The following PTCD2 variants were observed in gnomAD, a reference collection of about 807,000 sequenced individuals.
PTCD2 encodes the protein pentatricopeptide repeat domain 2.
In PTCD2, 31 loss-of-function variants were observed where a neutral mutation model predicts 42.6. That is an observed-to-expected ratio of 0.73 (90% CI 0.55 to 0.98). The LOEUF is 0.98. PTCD2 is among the 50% of genes least tolerant of loss of function. The pLI is 0.00. For synonymous variants in PTCD2, 183 were observed against 170.9 expected, an observed-to-expected ratio of 1.07 and a Z score of -0.55; for missense variants, 476 against 454.8, an observed-to-expected ratio of 1.05 and a Z score of -0.42.
intron 3 of PTCD2, 61 bp from the exon 4 acceptor site, chr5:72,331,197 C>T: frequency 9.5e-7 from 1 of 1,057,948 alleles, no homozygotes; most frequent in Non-Finnish European, 1.5e-6. Context: ...CTGCCATAGT[C>T]TGTGTCTGTC....
intron 8 of PTCD2, among the ~76,000 whole-genome samples, chr5:72,347,166 A>T (rs1467927005): frequency 6.6e-6 from 1 of 151,162 alleles, no homozygotes; most frequent in African/African-American, 2.4e-5. Flanking sequence ...AACACCAACA[A>T]CTCTGTCTGA....
intron 8 of PTCD2, among the ~76,000 whole-genome samples, chr5:72,349,595 G>GT (rs1236436571): frequency 5.9e-5 from 9 of 152,234 alleles, no homozygotes; most frequent in African/African-American, 2.2e-4. Context: ...AAGGTATCTA[G>GT]TAACGTATTT....
intron 3 of PTCD2, among the ~76,000 whole-genome samples, chr5:72,329,601 C>T (rs1751325385): frequency 6.6e-6 from 1 of 152,098 alleles, no homozygotes; most frequent in Non-Finnish European, 1.5e-5. Flanking sequence ...AGAATATTTA[C>T]TGAAATATGT....
At position 72,358,330 on chromosome 5, in the gene PTCD2, C is replaced by A. The variant is rs764190753; in HGVS notation, c.1070C>A (p.Thr357Asn). 8 of 1,613,952 alleles carry A rather than the reference C, an allele frequency of 5.0e-6. No individual in the cohort carries two copies. Among genetic ancestry groups the A allele is most frequent in the South Asian group, 4.4e-5 (4 of 91,074 alleles). The change falls in exon 10 of 10, where the codon ACC becomes AAC. Residue 357 changes from threonine to asparagine, a missense_variant. By Grantham distance (65) the Thr-to-Asn change is moderately conservative. Coordinates refer to ENST00000380639, the MANE Select transcript of PTCD2 (RefSeq NM_024754.5). ...TDSLDAVLCH[T>N]PRDRKSHTLL... ...TCTTTGGATGCTGTGCTCTGCCACA[C>A]CCCCAGGGACAGGAAATCTCACACG...
Position 72,320,498 on chromosome 5 carries a change from G to C in PTCD2, c.116G>C (p.Cys39Ser), listed in dbSNP as rs1172352185. The C allele has an allele frequency of 6.2e-7, 1 of 1,613,998 alleles. No individual in the cohort carries two copies. Among genetic ancestry groups the C allele is most frequent in the Non-Finnish European group, 8.5e-7 (1 of 1,180,046 alleles). Residue 39 changes from cysteine (C) to serine (S), a missense_variant, in exon 1 of 10, where the codon TGC becomes TCC. Physicochemically the swap from Cys to Ser is moderately radical, Grantham distance 112. Coordinates refer to ENST00000380639, the MANE Select transcript of PTCD2 (RefSeq NM_024754.5). ...GGCTCCGGCTCTGTCAGCTGCCGCT[G>C]CCCTCTCGGAGGTATCCGCGGCTTT... ...VGGSGSVSCR[C>S]PLGAKRYLLT...
intron 6 of PTCD2, 119 bp downstream of exon 6, chr5:72,336,004 G>A (rs1751721762): frequency 3.3e-6 from 2 of 599,298 alleles, no homozygotes; most frequent in African/African-American, 1.9e-5. Flanking sequence ...TGGTGCAAAT[G>A]TTTTAATTTT....
intron 8 of PTCD2, among the ~76,000 whole-genome samples, chr5:72,346,540 G>T (rs545233735): frequency 6.6e-6 from 1 of 152,324 alleles, no homozygotes; most frequent in Admixed American, 6.5e-5. Context: ...AGGTGGGTCA[G>T]CCTGAAAAGC....
At chr5:72,321,121 G>A (rs938995739) in intron 1 of PTCD2, 1 of 152,544 alleles carries the variant, frequency 6.6e-6, no homozygotes, top group Non-Finnish European at 1.5e-5. Flanking sequence ...TTTCTGCAGA[G>A]TTTGGAAGCA....
chr5:72,352,745 G>A lies in PTCD2; in HGVS notation c.933G>A (p.Ser311=), dbSNP rs570848389. The change falls in exon 9 of 10, where the codon TCG becomes TCA. Residue 311 remains serine, a synonymous_variant. Coordinates refer to ENST00000380639, the MANE Select transcript of PTCD2 (RefSeq NM_024754.5). The part of the protein sequence containing the change: ...LSKFVKRHVF[S]EEVLAKVREK... ...AATTTGTGAAAAGACATGTGTTCTC[G>A]GAGGAAGTGGTGAGTATGCAAGTGC... 2.7e-5 allele frequency: 41 copies of A among 1,543,674 alleles called. No individual in the cohort carries two copies. In the Admixed American group the frequency reaches 3.2e-4, roughly 12 times the overall value.
chr5:72,332,505 TTATACA>T (rs1448874846), intron 4 of PTCD2, among the ~76,000 whole-genome samples: 5 of 149,956 alleles, frequency 3.3e-5, no homozygotes, highest in African/African-American at 1.2e-4. Context: ...ACTTTTTACT[TTATACA>T]TTTTTGTATT....
chr5:72,332,025 AC>A lies in PTCD2; in HGVS notation c.468+651del, dbSNP rs143851469. Among the ~76,000 whole-genome samples, 333 of 152,320 alleles carry A rather than the reference AC, an allele frequency of 2.2e-3. 2 individuals are homozygous for A. In the East Asian group the frequency reaches 0.022, roughly 10 times the overall value. On this transcript the variant is annotated intron_variant, in intron 4 of 9. Coordinates refer to ENST00000380639, the MANE Select transcript of PTCD2 (RefSeq NM_024754.5). ...CATTCATTATGAAGTCATTTTGATT[AC>A]TAGATGCCATGTAGAGAACAGAAAC...
chr5:72,338,979 A>G (rs866570337), intron 7 of PTCD2, among the ~76,000 whole-genome samples: 2 of 152,224 alleles, frequency 1.3e-5, no homozygotes, highest in African/African-American at 2.4e-5. Flanking sequence ...TTCTCAAGTA[A>G]TTAAAATGAA....
chr5:72,335,703 C>T (rs999259408), intron 5 of PTCD2, 91 bp from the exon 6 acceptor site: 3 of 668,838 alleles, frequency 4.5e-6, no homozygotes, highest in African/African-American at 3.6e-5. Context: ...TTGAAATACA[C>T]TTTTCTGTAG....
intron 3 of PTCD2, among the ~76,000 whole-genome samples, chr5:72,329,331 GA>G (rs1316316261): frequency 6.6e-6 from 1 of 152,236 alleles, no homozygotes; most frequent in African/African-American, 2.4e-5. Context: ...TGGGAAAGGA[GA>G]GTCACGAGCT....
intron 9 of PTCD2, among the ~76,000 whole-genome samples, chr5:72,357,801 G>C (rs1044366616): frequency 1.3e-5 from 2 of 150,754 alleles, no homozygotes; most frequent in African/African-American, 2.4e-5. Flanking sequence ...ACTGCTGTCT[G>C]TGTGCCCCAG....
intron 1 of PTCD2, among the ~76,000 whole-genome samples, chr5:72,321,788 A>C (rs1750861838): frequency 6.6e-6 from 1 of 152,112 alleles, no homozygotes; most frequent in South Asian, 2.1e-4. Flanking sequence ...CCAAAACTAA[A>C]TATGCCTGTT....
chr5:72,357,650 C>T (rs997604826), intron 9 of PTCD2, among the ~76,000 whole-genome samples: 1 of 152,070 alleles, frequency 6.6e-6, no homozygotes, highest in Non-Finnish European at 1.5e-5. Context: ...AAGTTGATTC[C>T]ACTGGTATAT....
Position 72,358,577 on chromosome 5 carries a change from CG to C in PTCD2, c.*151del. The C allele has an allele frequency of 1.6e-6, 1 of 631,052 alleles. No homozygotes were observed. The highest frequency in any genetic ancestry group is 2.6e-5 in the Admixed American group (1 of 38,248). 39.1% of individuals were successfully genotyped at this position (631,052 alleles called of 1,614,324 possible). ...CCAAATTCACTGAATGGTACCATGC[CG>C]ATCTCTGAGAAGTTATGTTGCACCA... On this transcript the variant is annotated 3_prime_UTR_variant, in exon 10 of 10. Transcript: ENST00000380639.
In PTCD2 at chr5:72,361,089, T is replaced by A. The variant is rs1753085813; in HGVS notation, c.*2662T>A. On this transcript the variant is annotated 3_prime_UTR_variant, in exon 10 of 10. Transcript: ENST00000380639. ...GTTTTTACTTACTGTAGATATCTGT[T>A]GCTCCAGAGTCCCAGAAATCAGTAT... 6.6e-6 allele frequency: 1 copy of A among 152,214 alleles called. No homozygotes were observed. Among genetic ancestry groups the A allele is most frequent in the African/African-American group, 2.4e-5 (1 of 41,462 alleles). 9.4% of individuals were successfully genotyped at this position (152,214 alleles called of 1,614,324 possible).
Sources: allele counts gnomAD v4.1 joint callset (sites outside exome capture counted in the v4.1 genomes callset), GRCh38; gene constraint gnomAD v4.1.1; transcripts MANE v1.5; gene names NCBI Gene and HGNC (gene_info 2026-07-23, HGNC 2026-07-21).